The following RGS6 variants were observed in gnomAD, a reference collection of about 807,000 sequenced individuals.
The protein encoded by RGS6 is regulator of G protein signaling 6, also known as regulator of G-protein signaling 6.
Under a neutral mutation model 78.5 loss-of-function variants are expected in RGS6, and 30 were observed. The observed-to-expected ratio is 0.38, with a 90% CI of 0.29 to 0.52. RGS6 has a LOEUF of 0.52. Ranked by LOEUF, RGS6 falls within the 20% of genes least tolerant of loss-of-function variation. The probability of loss-of-function intolerance (pLI) is 0.85; values close to 1 mark genes in which losing one functional copy is unlikely to be tolerated. For synonymous variants in RGS6, 206 were observed against 206.0 expected (o/e 1.00, Z 0.00); for missense variants, 495 against 609.7 (o/e 0.81, Z 1.98).
chr14:72,581,573 C>G, the RGS6 span, among the ~76,000 whole-genome samples: 1 of 152,158 alleles, frequency 6.6e-6, no homozygotes, highest in African/African-American at 2.4e-5. Context: ...GATGTGTGTC[C>G]AAATGCCTCT....
chr14:72,294,353 A>G (rs1170158237), intron 2 of RGS6, among the ~76,000 whole-genome samples: 12 of 152,170 alleles, frequency 7.9e-5, no homozygotes, highest in Non-Finnish European at 1.6e-4. Flanking sequence ...AGCAATTCCA[A>G]CAGAGATGTA....
chr14:72,538,219 C>G (rs377178453), intron 16 of RGS6, among the ~76,000 whole-genome samples: 1 of 152,124 alleles, frequency 6.6e-6, no homozygotes, highest in Non-Finnish European at 1.5e-5. Flanking sequence ...ATTTCAGGGA[C>G]GGGTTCACCG....
intron 2 of RGS6, among the ~76,000 whole-genome samples, chr14:72,140,483 A>G (rs1278846166): frequency 1.3e-5 from 2 of 152,212 alleles, no homozygotes; most frequent in East Asian, 1.9e-4. Context: ...ATGATAGGCC[A>G]TAGGACTCAG....
chr14:72,043,067 AT>A (rs2092556774), intron 2 of RGS6, among the ~76,000 whole-genome samples: 1 of 151,774 alleles, frequency 6.6e-6, no homozygotes, highest in African/African-American at 2.4e-5. Flanking sequence ...GTTTATTCTT[AT>A]CCCCTTTGCC....
At chr14:72,135,257 C>G (rs60637119) in intron 2 of RGS6, among the ~76,000 whole-genome samples, 24 of 152,082 alleles carry the variant, frequency 1.6e-4, no homozygotes, top group African/African-American at 5.3e-4. Context: ...GTCTGAAGAA[C>G]TTTATAATGA....
intron 3 of RGS6, among the ~76,000 whole-genome samples, chr14:72,394,814 C>T (rs562368989): frequency 8.5e-5 from 13 of 152,136 alleles, no homozygotes; most frequent in South Asian, 6.2e-4. Flanking sequence ...TAAAGACAGG[C>T]GTAAGAAATC....
At chr14:72,192,980 G>GTTTTTTTTTTTT (rs35795281) in intron 2 of RGS6, among the ~76,000 whole-genome samples, 3 of 140,178 alleles carry the variant, frequency 2.1e-5, no homozygotes, top group East Asian at 4.2e-4. Context: ...GCTGGGTTGG[G>GTTTTTTTTTTTT]TTTTTTTTTT....
chr14:72,129,958 A>G (rs1555499727), intron 2 of RGS6, among the ~76,000 whole-genome samples: 1 of 151,986 alleles, frequency 6.6e-6, no homozygotes, highest in Non-Finnish European at 1.5e-5. Context: ...CTTAGTACAG[A>G]CCCTACAGGT....
At chr14:71,965,008 C>G in intron 2 of RGS6, 133 bp downstream of exon 2, 1 of 538,176 alleles carries the variant, frequency 1.9e-6, no homozygotes, top group Non-Finnish European at 3.1e-6. Flanking sequence ...CTCACATCCT[C>G]TGGTTCTCTA....
chr14:71,942,699 C>G (rs925996044), intron 1 of RGS6, among the ~76,000 whole-genome samples: 1 of 152,048 alleles, frequency 6.6e-6, no homozygotes, highest in Non-Finnish European at 1.5e-5. Context: ...GCTGAAATAC[C>G]CCAGTTAGAA....
chr14:72,517,232 A>G (rs550913324), intron 14 of RGS6, among the ~76,000 whole-genome samples: 8 of 151,816 alleles, frequency 5.3e-5, no homozygotes, highest in Non-Finnish European at 1.0e-4. Context: ...GTCATGTTTC[A>G]GCTTCGCTTG....
At chr14:72,309,335 T>C (rs1413368775) in intron 2 of RGS6, among the ~76,000 whole-genome samples, 1 of 152,200 alleles carries the variant, frequency 6.6e-6, no homozygotes, top group Non-Finnish European at 1.5e-5. Flanking sequence ...AAACATGATT[T>C]GTAATCGTGG....
chr14:72,341,513 G>A (rs567590856), intron 2 of RGS6, among the ~76,000 whole-genome samples: 7 of 152,160 alleles, frequency 4.6e-5, no homozygotes, highest in Non-Finnish European at 1.0e-4. Flanking sequence ...TTTTGAGCAG[G>A]GCCTAGAAGC....
intron 2 of RGS6, among the ~76,000 whole-genome samples, chr14:72,346,203 C>A (rs916597136): frequency 1.2e-4 from 18 of 152,074 alleles, no homozygotes; most frequent in Non-Finnish European, 2.4e-4. Flanking sequence ...AAAACAATCA[C>A]AATATAGTTT....
intron 2 of RGS6, among the ~76,000 whole-genome samples, chr14:72,183,497 C>T (rs552108155): frequency 2.6e-5 from 4 of 152,272 alleles, no homozygotes; most frequent in Admixed American, 6.5e-5. Flanking sequence ...TCTGGGTCTG[C>T]AGTGGTTTGA....
chr14:72,187,459 G>T (rs2097262709), intron 2 of RGS6, among the ~76,000 whole-genome samples: 1 of 152,154 alleles, frequency 6.6e-6, no homozygotes, highest in Non-Finnish European at 1.5e-5. Context: ...GGTTCCTTAG[G>T]TTAGATGCAT....
intron 11 of RGS6, chr14:72,477,156 C>A: frequency 3.3e-6 from 1 of 307,586 alleles, no homozygotes. Context: ...GGGCTCATGT[C>A]ACACAGTCCT....
intron 15 of RGS6, among the ~76,000 whole-genome samples, chr14:72,522,830 G>T (rs535440009): frequency 6.6e-6 from 1 of 152,220 alleles, no homozygotes; most frequent in Non-Finnish European, 1.5e-5. Context: ...ACATGGTCAT[G>T]AAAATTATTG....
the RGS6 span, among the ~76,000 whole-genome samples, chr14:71,869,394 CT>C: frequency 6.6e-6 from 1 of 152,230 alleles, no homozygotes; most frequent in Non-Finnish European, 1.5e-5. Flanking sequence ...ACTACCATGA[CT>C]GTGATTCCAG....
Sources: allele counts gnomAD v4.1 joint callset (sites outside exome capture counted in the v4.1 genomes callset), GRCh38; gene constraint gnomAD v4.1.1; transcripts MANE v1.5; gene names NCBI Gene and HGNC (gene_info 2026-07-23, HGNC 2026-07-21).